Variants in FBXO11 observed in about 807,000 individuals in gnomAD.
FBXO11 encodes F-box only protein 11.
Under a neutral mutation model 117.0 loss-of-function variants are expected in FBXO11, and 13 were observed. The ratio of observed to expected loss-of-function variants is 0.11; its 90% CI spans 0.07 to 0.18. The LOEUF is 0.18. Among genes scored for constraint, FBXO11 ranks in the 10% least tolerant of loss-of-function variants. The probability of loss-of-function intolerance (pLI) is 1.00; values close to 1 mark genes in which losing one functional copy is unlikely to be tolerated. For synonymous variants in FBXO11, 490 were observed against 380.5 expected, an observed-to-expected ratio of 1.29 and a Z score of -3.35; for missense variants, 767 against 1,164.4, an observed-to-expected ratio of 0.66 and a Z score of 4.97.
At chr2:47,847,366 C>T (rs1213363504) in intron 1 of FBXO11, among the ~76,000 whole-genome samples, 2 of 152,116 alleles carry the variant, frequency 1.3e-5, no homozygotes, top group Non-Finnish European at 2.9e-5. Flanking sequence ...AATTGTAACA[C>T]AATGGTAAAT....
chr2:47,827,147 T>G (rs1671815272), intron 11 of FBXO11, among the ~76,000 whole-genome samples: 1 of 152,228 alleles, frequency 6.6e-6, no homozygotes. Flanking sequence ...AAGTTTTCTT[T>G]TCTCAACGAC....
At chr2:47,841,253 C>A (rs935143063) in intron 1 of FBXO11, among the ~76,000 whole-genome samples, 1 of 152,122 alleles carries the variant, frequency 6.6e-6, no homozygotes, top group Admixed American at 6.6e-5. Flanking sequence ...AATAAGCAAA[C>A]ACTTATTCTT....
At chr2:47,899,980 C>CT (rs1193156650) in intron 1 of FBXO11, among the ~76,000 whole-genome samples, 3 of 152,022 alleles carry the variant, frequency 2.0e-5, no homozygotes, top group African/African-American at 7.3e-5. Flanking sequence ...AATACTCAAA[C>CT]TAGGGGTTCT....
chr2:47,890,532 C>T (rs1677178803), intron 1 of FBXO11, among the ~76,000 whole-genome samples: 1 of 152,002 alleles, frequency 6.6e-6, no homozygotes, highest in Admixed American at 6.6e-5. Context: ...TGGCAGGGCA[C>T]GGTGGCTCAC....
intron 1 of FBXO11, among the ~76,000 whole-genome samples, chr2:47,872,723 G>A (rs1675714525): frequency 6.6e-6 from 1 of 152,090 alleles, no homozygotes; most frequent in Non-Finnish European, 1.5e-5. Context: ...CCTGACATGG[G>A]ATATCACTAC....
rs535837874 is a variant in FBXO11, at chr2:47,816,965, C to A, written c.2006+1814G>T. Among the ~76,000 whole-genome samples the A allele has an allele frequency of 2.6e-5, 4 of 152,266 alleles. 1 individual carries two copies. Among genetic ancestry groups the A allele is most frequent in the South Asian group, 2.1e-4 (1 of 4,822 alleles). On this transcript the variant is annotated intron_variant, in intron 16 of 22. Transcript: ENST00000403359. ...ACTTAAAGTCATCAGCTTAACTAAC[C>A]CTTAACAAGAGATCAGCTTGCCCTT...
chr2:47,818,057 G>A (rs1403467955), intron 16 of FBXO11, among the ~76,000 whole-genome samples: 1 of 152,194 alleles, frequency 6.6e-6, no homozygotes, highest in East Asian at 1.9e-4. Context: ...TGAGGTTGCG[G>A]TGAGCCGAGA....
intron 7 of FBXO11, among the ~76,000 whole-genome samples, chr2:47,833,437 C>T (rs1013395662): frequency 3.3e-5 from 5 of 152,078 alleles, no homozygotes; most frequent in African/African-American, 1.2e-4. Flanking sequence ...ACAGTGGCCT[C>T]GATTTAGAAA....
intron 1 of FBXO11, among the ~76,000 whole-genome samples, chr2:47,849,190 T>TA (rs1673652404): frequency 6.6e-6 from 1 of 152,178 alleles, no homozygotes; most frequent in Non-Finnish European, 1.5e-5. Context: ...AAGATAAAAT[T>TA]TAAATACTTA....
At chr2:47,860,218 T>C (rs543927762) in intron 1 of FBXO11, among the ~76,000 whole-genome samples, 4 of 152,234 alleles carry the variant, frequency 2.6e-5, no homozygotes, top group South Asian at 4.1e-4. Flanking sequence ...TTATTCCAAA[T>C]AGTTAAACTA....
chr2:47,889,625 G>A (rs942692767), intron 1 of FBXO11, among the ~76,000 whole-genome samples: 1 of 102,802 alleles, frequency 9.7e-6, no homozygotes, highest in Non-Finnish European at 1.9e-5. Context: ...CTCTTAGAAA[G>A]TGAGAGGGTT....
At chr2:47,888,112 C>T (rs1438650377) in intron 1 of FBXO11, among the ~76,000 whole-genome samples, 4 of 152,142 alleles carry the variant, frequency 2.6e-5, no homozygotes, top group African/African-American at 7.2e-5. Flanking sequence ...TCATGATCTA[C>T]ACCGCTCACT....
Position 47,808,031 on chromosome 2 carries a change from C to G in FBXO11, c.*87G>C. On this transcript the variant is annotated 3_prime_UTR_variant, in exon 23 of 23. Transcript: ENST00000403359. ...TTTTTAATACAGTCTCTTCCTGTAGCATGGGCAAATATTTTAAATCTTCTT... is the reference window on the plus strand; with the variant it reads ...TTTTTAATACAGTCTCTTCCTGTAGGATGGGCAAATATTTTAAATCTTCTT... 8.2e-7 allele frequency: 1 copy of G among 1,217,164 alleles called. No individual in the cohort carries two copies. The highest frequency in any genetic ancestry group is 1.2e-6 in the Non-Finnish European group (1 of 860,020). 75.4% of individuals were successfully genotyped at this position (1,217,164 alleles called of 1,614,324 possible).
intron 18 of FBXO11, chr2:47,811,664 A>G (rs900210484): frequency 6.6e-6 from 1 of 152,256 alleles, no homozygotes; most frequent in African/African-American, 2.4e-5. Flanking sequence ...CATTTCCTAT[A>G]TAACTTACCT....
chr2:47,819,379 C>T (rs1054139997), intron 14 of FBXO11, among the ~76,000 whole-genome samples: 4 of 152,146 alleles, frequency 2.6e-5, no homozygotes, highest in Non-Finnish European at 5.9e-5. Context: ...CCACGCCTGG[C>T]TAATTTTTGT....
intron 11 of FBXO11, among the ~76,000 whole-genome samples, chr2:47,827,331 G>C (rs1423321941): frequency 6.6e-6 from 1 of 152,162 alleles, no homozygotes; most frequent in East Asian, 1.9e-4. Context: ...TTGTTTTTGA[G>C]ACAGAGTGTC....
intron 13 of FBXO11, among the ~76,000 whole-genome samples, chr2:47,821,115 T>C (rs1451539317): frequency 2.6e-5 from 4 of 152,242 alleles, no homozygotes; most frequent in African/African-American, 9.6e-5. Context: ...TAAGGTCTTA[T>C]TTATATTTTC....
rs1672429962 is a variant in FBXO11 at position 47,834,833 on chromosome 2, A to C, written c.756T>G (p.His252Gln). 1 of 1,613,652 alleles carries C rather than the reference A, an allele frequency of 6.2e-7. No homozygotes were observed. The highest frequency in any genetic ancestry group is 8.5e-7 in the Non-Finnish European group (1 of 1,179,816). ...GAHVKPGFAE[H>Q]FYSNPARYKG... is the part of the protein sequence containing the mutation. ...TATATCTTGCAGGGTTACTGTAGAA[A>C]TGTTCAGCAAATCCTGGCTTTACAT... Residue 252 changes from histidine (H) to glutamine (Q), a missense_variant, in exon 6 of 23, where the codon CAT becomes CAG. His to Gln is a conservative substitution (Grantham distance 24). Coordinates refer to ENST00000403359, the MANE Select transcript of FBXO11 (RefSeq NM_001190274.2).
intron 21 of FBXO11, 58 bp downstream of exon 21, chr2:47,809,100 A>G: frequency 9.0e-7 from 1 of 1,115,812 alleles, no homozygotes; most frequent in Non-Finnish European, 1.3e-6. Flanking sequence ...AGGCATTGCT[A>G]ATTTAAAAAG....
Sources: allele counts gnomAD v4.1 joint callset (sites outside exome capture counted in the v4.1 genomes callset), GRCh38; gene constraint gnomAD v4.1.1; transcripts MANE v1.5; gene names NCBI Gene and HGNC (gene_info 2026-07-23, HGNC 2026-07-21).